EDAR: variants seen among roughly 807,000 people sequenced by gnomAD.
The protein encoded by EDAR is ectodysplasin A receptor, also known as tumor necrosis factor receptor superfamily member EDAR.
In EDAR, 38 loss-of-function variants were observed where a neutral mutation model predicts 51.3. The observed-to-expected ratio is 0.74, with a 90% CI of 0.57 to 0.97. EDAR has a LOEUF of 0.97. Ranked by LOEUF, EDAR falls within the 50% of genes least tolerant of loss-of-function variation. The pLI is 0.00. For missense variants in EDAR, 528 were observed against 595.0 expected, an observed-to-expected ratio of 0.89 and a Z score of 1.17; for synonymous variants, 227 against 242.1, an observed-to-expected ratio of 0.94 and a Z score of 0.58.
In EDAR at chr2:108,930,992, G is replaced by A. The variant is rs745869679; in HGVS notation, c.23C>T (p.Thr8Met). Residue 8 changes from threonine (T) to methionine (M), a missense_variant, in exon 2 of 12, where the codon ACG (threonine) becomes ATG (methionine). Transcript: ENST00000258443. The stretch of plus-strand genomic sequence containing the variant: ...CAGGACGGGGAGCCAGGGCGTCTGC[G>A]TGCAGTCCCCCACATGGGCCATCCT... MAHVGDC[T>M]QTPWLPVLVV... 15 of 1,613,852 alleles carry A rather than the reference G, an allele frequency of 9.3e-6. No homozygotes were observed. The highest frequency in any genetic ancestry group is 1.7e-5 in the Admixed American group (1 of 60,012).
intron 5 of EDAR, among the ~76,000 whole-genome samples, chr2:108,920,553 C>A (rs78772415): frequency 6.6e-6 from 1 of 152,092 alleles, no homozygotes; most frequent in African/African-American, 2.4e-5. Context: ...CAGGGCTCCA[C>A]AGTATTGCAG....
chr2:108,963,107 C>T (rs568365643), intron 1 of EDAR, among the ~76,000 whole-genome samples: 8 of 152,274 alleles, frequency 5.3e-5, no homozygotes, highest in Admixed American at 2.0e-4. Context: ...CTGCAGAGGC[C>T]GCAAACTGCT....
Position 108,906,372 on chromosome 2 carries a change from T to C in EDAR, c.964-4A>G, listed in dbSNP as rs975337100. ...TCTTTTTCCTCCGGCTTTGAATCTG[T>C]GAAAAAGAGTCGAGAATTTTCATCT... On this transcript the variant is annotated splice_polypyrimidine_tract_variant and splice_region_variant and intron_variant, in intron 10 of 11. Coordinates refer to ENST00000258443, the MANE Select transcript of EDAR (RefSeq NM_022336.4). 3.7e-6 allele frequency: 6 copies of C among 1,613,996 alleles called. No individual in the cohort carries two copies. The East Asian group carries it at 6.7e-5, about 18-fold the overall frequency.
chr2:108,929,315 G>A lies in EDAR; in HGVS notation c.239C>T (p.Ser80Phe). 4 of 1,614,144 alleles carry A rather than the reference G, an allele frequency of 2.5e-6. No homozygotes were observed. The highest frequency in any genetic ancestry group is 3.4e-6 in the Non-Finnish European group (4 of 1,180,042). Reference sequence around the variant, plus strand: ...CCTGCATATCTGGTAGCCTCCTTTGGAAAACTTCTCCGCCGGGCAGGGGAC... The same window carrying A: ...CCTGCATATCTGGTAGCCTCCTTTGAAAAACTTCTCCGCCGGGCAGGGGAC... ...GCVPCPAEKFSKGGYQICRRH... is the reference protein window; with the variant it reads ...GCVPCPAEKFFKGGYQICRRH... Residue 80 changes from serine to phenylalanine, a missense_variant, in exon 4 of 12, where the codon TCC becomes TTC. Physicochemically the swap from Ser to Phe is radical, Grantham distance 155 (BLOSUM62 -2). Transcript: ENST00000258443.
Position 108,895,634 on chromosome 2 carries a change from C to G in EDAR, c.*1273G>C, listed in dbSNP as rs926593888. On this transcript the variant is annotated 3_prime_UTR_variant, in exon 12 of 12. Transcript: ENST00000258443. ...CAAAGGCCTGGCATTTCCTATAGCT[C>G]CACTTTCTTTTTGCTCACCTGAACC... 11 of 152,204 alleles carry G rather than the reference C, an allele frequency of 7.2e-5. No individual in the cohort carries two copies. The highest frequency in any genetic ancestry group is 1.3e-4 in the Admixed American group (2 of 15,278). The allele number at this position is 152,204 out of a possible 1,614,324, so 9.4% of individuals were successfully genotyped here.
chr2:108,965,451 C>G (rs372591462), intron 1 of EDAR, among the ~76,000 whole-genome samples: 2 of 122,158 alleles, frequency 1.6e-5, no homozygotes, highest in African/African-American at 6.2e-5. Context: ...GGAGACAGAG[C>G]GAGATTTCGT....
chr2:108,936,490 C>G (rs1012885584), intron 1 of EDAR, among the ~76,000 whole-genome samples: 1 of 152,276 alleles, frequency 6.6e-6, no homozygotes, highest in African/African-American at 2.4e-5. Flanking sequence ...GGGCTCCCTG[C>G]CCACCCAGCG....
At chr2:108,906,220 C>A (rs1014136491) in intron 11 of EDAR, 88 bp downstream of exon 11, 2 of 1,397,954 alleles carry the variant, frequency 1.4e-6, no homozygotes, top group Non-Finnish European at 2.0e-6. Flanking sequence ...TCCCTCAGTT[C>A]CCCTCACAGG....
intron 1 of EDAR, among the ~76,000 whole-genome samples, chr2:108,931,569 G>C (rs1376297375): frequency 6.6e-6 from 1 of 152,190 alleles, no homozygotes; most frequent in Non-Finnish European, 1.5e-5. Flanking sequence ...GAGATAGTGG[G>C]AGCCCAGAGA....
At chr2:108,910,732 A>AT in intron 8 of EDAR, 44 bp downstream of exon 8, 1 of 1,603,502 alleles carries the variant, frequency 6.2e-7, no homozygotes, top group Non-Finnish European at 8.5e-7. Context: ...CCACCCAGAG[A>AT]TGGGCACCGT....
chr2:108,905,207 G>A (rs952344332), intron 11 of EDAR, among the ~76,000 whole-genome samples: 1 of 152,110 alleles, frequency 6.6e-6, no homozygotes, highest in African/African-American at 2.4e-5. Context: ...TGGAGCACAG[G>A]TTCTCAGCCC....
intron 4 of EDAR, among the ~76,000 whole-genome samples, chr2:108,926,852 AG>A (rs2105439728): frequency 6.6e-6 from 1 of 152,332 alleles, no homozygotes. Flanking sequence ...ACTTGGATTC[AG>A]GAATGAACGC....
intron 10 of EDAR, among the ~76,000 whole-genome samples, chr2:108,907,143 G>T (rs1369479036): frequency 6.6e-6 from 1 of 152,204 alleles, no homozygotes; most frequent in Non-Finnish European, 1.5e-5. Flanking sequence ...ATAAAACCCT[G>T]GGGACAGTTT....
intron 1 of EDAR, among the ~76,000 whole-genome samples, chr2:108,985,998 C>T (rs991946068): frequency 1.2e-4 from 19 of 152,160 alleles, no homozygotes; most frequent in African/African-American, 4.6e-4. Context: ...TGCCAAGACC[C>T]AGGGCAAAGC....
intron 1 of EDAR, among the ~76,000 whole-genome samples, chr2:108,972,222 G>A (rs371759162): frequency 1.3e-5 from 2 of 152,214 alleles, no homozygotes; most frequent in African/African-American, 2.4e-5. Context: ...TGACTAATAC[G>A]CCTTCCAGTC....
intron 1 of EDAR, among the ~76,000 whole-genome samples, chr2:108,933,919 T>C (rs182891390): frequency 1.3e-5 from 2 of 152,188 alleles, no homozygotes; most frequent in East Asian, 2.0e-4. Context: ...TTAGCAGAGA[T>C]AGGTTTCCAC....
intron 1 of EDAR, among the ~76,000 whole-genome samples, chr2:108,965,750 G>A (rs143832823): frequency 6.6e-6 from 1 of 152,072 alleles, no homozygotes; most frequent in Non-Finnish European, 1.5e-5. Flanking sequence ...TCTGTGCATT[G>A]ATGTGGTGGT....
rs747408545 is a variant in EDAR at position 108,907,871 on chromosome 2, T to C, written c.952A>G (p.Lys318Glu). 1 of 1,613,570 alleles carries C rather than the reference T, an allele frequency of 6.2e-7. No individual in the cohort carries two copies. Among genetic ancestry groups the C allele is most frequent in the Admixed American group, 1.7e-5 (1 of 60,018 alleles). Residue 318 changes from lysine to glutamate, a missense_variant, in exon 10 of 12, where the codon AAG becomes GAG. Coordinates refer to ENST00000258443, the MANE Select transcript of EDAR (RefSeq NM_022336.4). The stretch of plus-strand genomic sequence containing the variant: ...TGCAGGAGCCTCACCCCGGCTGACT[T>C]GTTGCTGGTGGCAGACTTCTCCCTG... ...LAREKSATSNKSAGIQSRRKK... is the reference protein window; with the variant it reads ...LAREKSATSNESAGIQSRRKK...
At chr2:108,956,252 T>C (rs1697923405) in intron 1 of EDAR, among the ~76,000 whole-genome samples, 1 of 152,224 alleles carries the variant, frequency 6.6e-6, no homozygotes, top group Non-Finnish European at 1.5e-5. Context: ...ACAGTTGCAA[T>C]GAACATCTTT....
Sources: gnomAD v4.1 joint callset for allele counts (sites outside exome capture counted in the v4.1 genomes callset) on GRCh38, gnomAD v4.1.1 for gene constraint, MANE v1.5 for transcripts, NCBI Gene and HGNC (gene_info 2026-07-23, HGNC 2026-07-21) for gene names.